The following ADAMTS6 variants were observed in gnomAD, a reference collection of about 807,000 sequenced individuals.
The protein encoded by ADAMTS6 is A disintegrin and metalloproteinase with thrombospondin motifs 6.
In ADAMTS6, 23 loss-of-function variants were observed where a neutral mutation model predicts 144.3. That is an observed-to-expected ratio of 0.16 (90% CI 0.11 to 0.23). The LOEUF is 0.23. Ranked by LOEUF, ADAMTS6 falls within the 10% of genes least tolerant of loss-of-function variation. The pLI, the probability that ADAMTS6 is intolerant of heterozygous loss-of-function variation, is 1.00. For missense variants in ADAMTS6, 999 were observed against 1,379.6 expected (o/e 0.72, Z 4.37); for synonymous variants, 444 against 457.5 (o/e 0.97, Z 0.38).
rs766592901 is a variant in ADAMTS6 at position 65,334,028 on chromosome 5, CA to C, written c.1117+13del. The stretch of plus-strand genomic sequence containing the variant: ...AAAAAAAAAAAAAAAAAAAAAAAAC[CA>C]AAAAAAACTTACCCAGTGTTCCACA... On this transcript the variant is annotated intron_variant, in intron 8 of 24. Coordinates refer to ENST00000381055, the MANE Select transcript of ADAMTS6 (RefSeq NM_197941.4). 11 of 594,556 alleles carry C rather than the reference CA, an allele frequency of 1.9e-5. No individual in the cohort carries two copies. Among genetic ancestry groups the C allele is most frequent in the South Asian group, 5.4e-5 (1 of 18,562 alleles). The allele number at this position is 594,556 out of a possible 1,614,324, so 36.8% of individuals were successfully genotyped here.
chr5:65,408,249 A>T (rs1754738853), intron 7 of ADAMTS6, among the ~76,000 whole-genome samples: 1 of 152,190 alleles, frequency 6.6e-6, no homozygotes, highest in Non-Finnish European at 1.5e-5. Flanking sequence ...GTATTCAGGA[A>T]ACCCATGTTA....
chr5:65,330,605 G>GT (rs1746619255), intron 8 of ADAMTS6, among the ~76,000 whole-genome samples: 2 of 151,954 alleles, frequency 1.3e-5, no homozygotes. Context: ...ACAATAAATG[G>GT]TATTCAATCC....
chr5:65,179,208 C>A (rs1246247802), intron 22 of ADAMTS6, among the ~76,000 whole-genome samples: 1 of 152,150 alleles, frequency 6.6e-6, no homozygotes. Flanking sequence ...TACATCAAGT[C>A]ACTGAGGTAG....
intron 15 of ADAMTS6, among the ~76,000 whole-genome samples, chr5:65,236,859 G>A (rs908876865): frequency 2.6e-5 from 4 of 151,826 alleles, no homozygotes; most frequent in Non-Finnish European, 5.9e-5. Flanking sequence ...ACAGAAAAGA[G>A]TACCAAAGCC....
chr5:65,192,487 T>C (rs572881224), intron 21 of ADAMTS6, among the ~76,000 whole-genome samples: 17 of 152,022 alleles, frequency 1.1e-4, no homozygotes, highest in African/African-American at 1.7e-4. Context: ...TATTTATCAC[T>C]CAAGGATTCT....
intron 7 of ADAMTS6, among the ~76,000 whole-genome samples, chr5:65,432,674 GTTTGT>G (rs1281599874): frequency 6.6e-6 from 1 of 151,974 alleles, no homozygotes; most frequent in African/African-American, 2.4e-5. Flanking sequence ...GTTTTGTTGA[GTTTGT>G]TTTAACATAA....
intron 10 of ADAMTS6, chr5:65,297,200 T>C (rs1248126998): frequency 2.2e-6 from 1 of 456,342 alleles, no homozygotes; most frequent in Non-Finnish European, 4.4e-6. Context: ...GGACGGCTTC[T>C]GGGCGATTCA....
At chr5:65,309,388 G>A (rs1355554823) in intron 9 of ADAMTS6, among the ~76,000 whole-genome samples, 2 of 142,888 alleles carry the variant, frequency 1.4e-5, no homozygotes, top group East Asian at 4.3e-4. Flanking sequence ...AAGGGCTCTC[G>A]CTCCTATGAG....
intron 24 of ADAMTS6, among the ~76,000 whole-genome samples, chr5:65,157,035 C>A (rs1455598049): frequency 1.3e-5 from 2 of 152,222 alleles, no homozygotes; most frequent in African/African-American, 4.8e-5. Context: ...GGAGAATTCC[C>A]AAATTCTTCT....
chr5:65,245,312 G>T (rs184553523), intron 14 of ADAMTS6, among the ~76,000 whole-genome samples: 1 of 152,208 alleles, frequency 6.6e-6, no homozygotes, highest in African/African-American at 2.4e-5. Context: ...AGAAGCCAGG[G>T]TATTTTTCTC....
At chr5:65,341,803 A>C (rs375597660) in intron 7 of ADAMTS6, among the ~76,000 whole-genome samples, 1 of 152,134 alleles carries the variant, frequency 6.6e-6, no homozygotes, top group Admixed American at 6.5e-5. Context: ...AACTACTCCA[A>C]AAAAGTGAAG....
Position 65,150,737 on chromosome 5 carries a change from C to A in ADAMTS6, c.*1099G>T, listed in dbSNP as rs975468554. On this transcript the variant is annotated 3_prime_UTR_variant, in exon 25 of 25. Coordinates refer to ENST00000381055, the MANE Select transcript of ADAMTS6 (RefSeq NM_197941.4). The stretch of plus-strand genomic sequence containing the variant: ...ACATTTGCTCTCATATAAATAAATG[C>A]CCTTCTACCATATCAAAGAAGGGAC... 6.6e-6 allele frequency: 1 copy of A among 152,618 alleles called. No individual in the cohort carries two copies. The highest frequency in any genetic ancestry group is 2.4e-5 in the African/African-American group (1 of 41,438). The allele number at this position is 152,618 out of a possible 1,614,324, so 9.5% of individuals were successfully genotyped here.
At chr5:65,344,195 T>G (rs16893709) in intron 7 of ADAMTS6, among the ~76,000 whole-genome samples, 2,936 of 152,064 alleles carry the variant, frequency 0.019, 93 homozygotes, top group African/African-American at 0.067. Flanking sequence ...AGCCTATGAA[T>G]AGAGAGTTTT....
intron 12 of ADAMTS6, among the ~76,000 whole-genome samples, chr5:65,268,738 T>A (rs558247758): frequency 6.6e-6 from 1 of 152,216 alleles, no homozygotes; most frequent in Non-Finnish European, 1.5e-5. Flanking sequence ...GCCATATTTC[T>A]TACTCCATCT....
At chr5:65,416,820 C>T (rs2150191983) in intron 7 of ADAMTS6, among the ~76,000 whole-genome samples, 1 of 151,176 alleles carries the variant, frequency 6.6e-6, no homozygotes, top group South Asian at 2.1e-4. Context: ...GTGGTATATC[C>T]CAATTCTACT....
intron 15 of ADAMTS6, among the ~76,000 whole-genome samples, chr5:65,233,462 T>C (rs78264446): frequency 0.011 from 1,732 of 152,130 alleles, 37 homozygotes; most frequent in African/African-American, 0.04. Context: ...AAAAAACTGT[T>C]AAAACTAATA....
intron 7 of ADAMTS6, among the ~76,000 whole-genome samples, chr5:65,334,454 T>C (rs1311468255): frequency 6.6e-6 from 1 of 152,232 alleles, no homozygotes; most frequent in Non-Finnish European, 1.5e-5. Flanking sequence ...CAATCTCCTT[T>C]GAACCTGTGG....
At chr5:65,423,508 A>C (rs928968516) in intron 7 of ADAMTS6, among the ~76,000 whole-genome samples, 2 of 152,204 alleles carry the variant, frequency 1.3e-5, no homozygotes, top group African/African-American at 4.8e-5. Context: ...AAAAACAATT[A>C]TTCTATTCCC....
chr5:65,365,782 TA>T (rs1405815461), intron 7 of ADAMTS6, among the ~76,000 whole-genome samples: 1 of 152,156 alleles, frequency 6.6e-6, no homozygotes, highest in Non-Finnish European at 1.5e-5. Context: ...CATTTTTATG[TA>T]AAATTAGCTC....
Sources: allele counts gnomAD v4.1 joint callset (sites outside exome capture counted in the v4.1 genomes callset), GRCh38; gene constraint gnomAD v4.1.1; transcripts MANE v1.5; gene names NCBI Gene and HGNC (gene_info 2026-07-23, HGNC 2026-07-21).